Variants in PAX1 observed in about 807,000 individuals in gnomAD.
PAX1 encodes the protein paired box protein Pax-1.
Under a neutral mutation model 35.6 loss-of-function variants are expected in PAX1, and 18 were observed. The ratio of observed to expected loss-of-function variants is 0.50; its 90% CI spans 0.35 to 0.75. PAX1 has a LOEUF of 0.75. Among genes scored for constraint, PAX1 ranks in the 30% least tolerant of loss-of-function variants. PAX1 has a pLI of 0.01. For synonymous variants in PAX1, 397 were observed against 305.2 expected (o/e 1.30, Z -3.14); for missense variants, 760 against 661.5 (o/e 1.15, Z -1.63).
rs1470573165 is a variant in PAX1, at chr20:21,706,146, G to A, written c.286+148G>A. 4 of 815,794 alleles carry A rather than the reference G, an allele frequency of 4.9e-6. No homozygotes were observed. Among genetic ancestry groups the A allele is most frequent in the Admixed American group, 4.0e-5 (2 of 49,508 alleles). 50.5% of individuals were successfully genotyped at this position (815,794 alleles called of 1,614,324 possible). On this transcript the variant is annotated intron_variant, in intron 1 of 4. Coordinates refer to ENST00000613128, the MANE Select transcript of PAX1 (RefSeq NM_001257096.2). This position sits in a 1 kb window ranked among gnomAD's most constrained non-coding sequence, Gnocchi z 5.3. ...TTCTCCTCTGATCCCCAGCCTTCAG[G>A]GGGCAGTTGAGCAAGTCTGGGAAGG...
Position 21,705,846 on chromosome 20 carries a change from T to A in PAX1, c.134T>A (p.Leu45Gln). ...GCACAGCGCGTCTCCAGCCCGCGGC[T>A]GGGCCGCCGCGGCTCTCGGCTCTCG... is the stretch of plus-strand genomic sequence containing the variant. ...CRAQRVSSPR[L>Q]GRRGSRLSGA... Residue 45 changes from leucine (L) to glutamine (Q), a missense_variant, in exon 1 of 5, where the codon CTG becomes CAG. Coordinates refer to ENST00000613128, the MANE Select transcript of PAX1 (RefSeq NM_001257096.2). The A allele has an allele frequency of 7.3e-7, 1 of 1,371,256 alleles. No homozygotes were observed. 84.9% of individuals were successfully genotyped at this position (1,371,256 alleles called of 1,614,324 possible). A position where few individuals can be genotyped will look rare whatever the true frequency, so the allele number is the denominator to read the frequency against.
At position 21,706,514 on chromosome 20, in the gene PAX1, G is replaced by A; in HGVS notation, c.363G>A (p.Leu121=). Reference sequence around the variant, plus strand: ...GCCCCCTGCCCAACGCCATCCGCTTGCGCATTGTGGAGCTGGCGCAGCTGG... The same window carrying A: ...GCCCCCTGCCCAACGCCATCCGCTTACGCATTGTGGAGCTGGCGCAGCTGG... ...NGRPLPNAIR[L]RIVELAQLGI... Residue 121 remains leucine (L), a synonymous_variant, in exon 2 of 5, where the codon TTG becomes TTA. Transcript: ENST00000613128. The surrounding 1 kb of genome is among the most constrained non-coding windows in gnomAD (Gnocchi z 5.3). The A allele has an allele frequency of 6.2e-7, 1 of 1,612,422 alleles. No homozygotes were observed. The highest frequency in any genetic ancestry group is 1.1e-5 in the South Asian group (1 of 91,074).
chr20:21,714,562 G>A lies in PAX1; in HGVS notation c.1374G>A (p.Ter458=). The A allele has an allele frequency of 6.3e-7, 1 of 1,587,158 alleles. No homozygotes were observed. The highest frequency in any genetic ancestry group is 8.6e-7 in the Non-Finnish European group (1 of 1,167,918). Residue 458 remains the stop codon, a stop_retained_variant, in exon 5 of 5, where the codon TAG becomes TAA. Coordinates refer to ENST00000613128, the MANE Select transcript of PAX1 (RefSeq NM_001257096.2). The part of the protein sequence containing the change: ...HGLPIPASTS[*] ...TGCCCATCCCGGCCTCGACCTCCTA[G>A]GGGCAGCTCTCCCCGGACCCGAGCC...
In PAX1 at chr20:21,709,307, C is replaced by A; in HGVS notation, c.1145C>A (p.Pro382Gln). ...AACCAGCACGGCGTGTACAGCGCCC[C>A]GGGCGGCGGCTACCTCGCCCCGGGC... Reference protein sequence around the residue: ...ASNQHGVYSAPGGGYLAPGPP... With the variant: ...ASNQHGVYSAQGGGYLAPGPP... Residue 382 changes from proline (P) to glutamine (Q), a missense_variant, in exon 4 of 5, where the codon CCG becomes CAG. Physicochemically the swap from Pro to Gln is moderately conservative, Grantham distance 76 (BLOSUM62 -1). Coordinates refer to ENST00000613128, the MANE Select transcript of PAX1 (RefSeq NM_001257096.2). The A allele has an allele frequency of 6.2e-7, 1 of 1,601,598 alleles. No homozygotes were observed. Among genetic ancestry groups the A allele is most frequent in the South Asian group, 1.1e-5 (1 of 90,962 alleles).
chr20:21,708,832 C>A lies in PAX1; in HGVS notation c.1059+132C>A, dbSNP rs533071371. On this transcript the variant is annotated intron_variant, in intron 3 of 4. Coordinates refer to ENST00000613128, the MANE Select transcript of PAX1 (RefSeq NM_001257096.2). ...ATGGTTGTATCTGGCAGCCGGCTAG[C>A]AAGCGTCCTTTCTGTCCTTTCCTCA... The A allele has an allele frequency of 2.1e-5, 19 of 925,514 alleles. No homozygotes were observed. In the African/African-American group the frequency reaches 2.9e-4, roughly 14 times the overall value. 57.3% of individuals were successfully genotyped at this position (925,514 alleles called of 1,614,324 possible). A position where few individuals can be genotyped will look rare whatever the true frequency, so the allele number is the denominator to read the frequency against.
chr20:21,711,276 G>C (rs1019216163), intron 4 of PAX1, among the ~76,000 whole-genome samples: 3 of 152,212 alleles, frequency 2.0e-5, no homozygotes, highest in Non-Finnish European at 4.4e-5. Context: ...ACTTTGCCCT[G>C]GAGGCATTTT....
In PAX1 at chr20:21,713,967, C is replaced by T. The variant is rs905126143; in HGVS notation, c.1283-504C>T. On this transcript the variant is annotated intron_variant, in intron 4 of 4. Transcript: ENST00000613128. ...GTGGCTCATTTCCCGCAAGATTTCC[C>T]CCTGCCCACAGCGAGCTCCGAGCCG... 2.0e-5 allele frequency among the ~76,000 whole-genome samples: 3 copies of T among 152,362 alleles called. No homozygotes were observed. In the East Asian group the frequency reaches 5.8e-4, roughly 29 times the overall value.
chr20:21,708,282 CGA>C, intron 2 of PAX1: 1 of 571,744 alleles, frequency 1.7e-6, no homozygotes, highest in Non-Finnish European at 3.2e-6. Flanking sequence ...CCGCTTTGGC[CGA>C]GTCTGCCCAG....
Position 21,705,786 on chromosome 20 carries a change from G to A in PAX1, c.74G>A (p.Gly25Asp). 5 of 1,275,242 alleles carry A rather than the reference G, an allele frequency of 3.9e-6. No individual in the cohort carries two copies. The highest frequency in any genetic ancestry group is 4.9e-6 in the Non-Finnish European group (5 of 1,012,520). The allele number at this position is 1,275,242 out of a possible 1,614,324, so 79.0% of individuals were successfully genotyped here. Residue 25 changes from glycine (G) to aspartate (D), a missense_variant, in exon 1 of 5, where the codon GGC becomes GAC. This residue lies in a region of PAX1 where 222 missense variants were observed against 153.0 expected (regional missense o/e 1.45). Coordinates refer to ENST00000613128, the MANE Select transcript of PAX1 (RefSeq NM_001257096.2). ...GAGGGGGCAGCAGCGGCGGCGGCAG[G>A]CCCTGGAGCGGGCGGCAGCGCGCTC... ...SWEGAAAAAA[G>D]PGAGGSALRC... is the part of the protein sequence containing the mutation.
At chr20:21,711,939 C>T (rs894065273) in intron 4 of PAX1, among the ~76,000 whole-genome samples, 1 of 152,182 alleles carries the variant, frequency 6.6e-6, no homozygotes, top group African/African-American at 2.4e-5. Context: ...TCCCAGAGGA[C>T]AATTTACTAT....
At chr20:21,708,459 C>A in intron 2 of PAX1, 99 bp from the exon 3 acceptor site, 5 of 1,416,482 alleles carry the variant, frequency 3.5e-6, no homozygotes, top group Admixed American at 1.7e-5. Context: ...TTTTGTGGGA[C>A]CCCTGGCCGT....
At chr20:21,710,051 C>T (rs1281978163) in intron 4 of PAX1, among the ~76,000 whole-genome samples, 3 of 117,278 alleles carry the variant, frequency 2.6e-5, no homozygotes, top group Non-Finnish European at 4.9e-5. Context: ...TTACTCCAGG[C>T]TCAGGAGCTT....
chr20:21,708,260 A>T lies in PAX1; in HGVS notation c.917-298A>T, dbSNP rs1248303692. 5.5e-6 allele frequency: 3 copies of T among 548,646 alleles called. No homozygotes were observed. The East Asian group carries it at 9.6e-5, about 18-fold the overall frequency. The allele number at this position is 548,646 out of a possible 1,614,324, so 34.0% of individuals were successfully genotyped here. On this transcript the variant is annotated intron_variant, in intron 2 of 4. Coordinates refer to ENST00000613128, the MANE Select transcript of PAX1 (RefSeq NM_001257096.2). ...GGAAGTTTCTGGGAGCCGTGTCTGG[A>T]CAATGGAGCGGCCGCTTTGGCCGAG...
chr20:21,709,699 G>C (rs1985139479), intron 4 of PAX1, among the ~76,000 whole-genome samples: 1 of 152,150 alleles, frequency 6.6e-6, no homozygotes, highest in African/African-American at 2.4e-5. Context: ...TGGGAGAGGT[G>C]AAAGGAGGTC....
intron 2 of PAX1, 71 bp downstream of exon 2, chr20:21,707,138 G>C: frequency 6.4e-7 from 1 of 1,574,002 alleles, no homozygotes; most frequent in South Asian, 1.1e-5. Flanking sequence ...TGCAGGAGAG[G>C]ACTCACACTC....
Position 21,710,092 on chromosome 20 carries a change from C to T in PAX1, c.1282+648C>T, listed in dbSNP as rs1033358759. On this transcript the variant is annotated intron_variant, in intron 4 of 4. Coordinates refer to ENST00000613128, the MANE Select transcript of PAX1 (RefSeq NM_001257096.2). Reference sequence around the variant, plus strand: ...GGTTGTGGGTGGTGGTGGTGGTGGGCGGGTGGGGGGGTTCTCTCTTTCTGT... The same window carrying T: ...GGTTGTGGGTGGTGGTGGTGGTGGGTGGGTGGGGGGGTTCTCTCTTTCTGT... Among the ~76,000 whole-genome samples, 9 of 2,488 alleles carry T rather than the reference C, an allele frequency of 3.6e-3. No homozygotes were observed. The Non-Finnish European group carries it at 0.052, about 14-fold the overall frequency. 1.6% of individuals were successfully genotyped at this position (2,488 alleles called of 152,430 possible). A position where few individuals can be genotyped will look rare whatever the true frequency, so the allele number is the denominator to read the frequency against.
chr20:21,708,836 C>CGTCCTTTCT, intron 3 of PAX1, 136 bp downstream of exon 3: 1 of 908,936 alleles, frequency 1.1e-6, no homozygotes, highest in Non-Finnish European at 1.8e-6. Flanking sequence ...GGCTAGCAAG[C>CGTCCTTTCT]GTCCTTTCTG....
Position 21,708,269 on chromosome 20 carries a change from C to A in PAX1, c.917-289C>A, listed in dbSNP as rs967599467. On this transcript the variant is annotated intron_variant, in intron 2 of 4. Transcript: ENST00000613128. ...TGGGAGCCGTGTCTGGACAATGGAG[C>A]GGCCGCTTTGGCCGAGTCTGCCCAG... is the stretch of plus-strand genomic sequence containing the variant. The A allele has an allele frequency of 7.2e-6, 4 of 555,818 alleles. No homozygotes were observed. The Admixed American group carries it at 1.2e-4, about 17-fold the overall frequency. The allele number at this position is 555,818 out of a possible 1,614,324, so 34.4% of individuals were successfully genotyped here.
chr20:21,707,080 G>A lies in PAX1; in HGVS notation c.916+13G>A, dbSNP rs761176586. On this transcript the variant is annotated intron_variant, in intron 2 of 4. Coordinates refer to ENST00000613128, the MANE Select transcript of PAX1 (RefSeq NM_001257096.2). ...ATGGAGCAAACAGGTCAGTTGTGGC[G>A]GCCTCCGTAGCCTTCTATTAAGGGG... 8.7e-6 allele frequency: 14 copies of A among 1,612,834 alleles called. No individual in the cohort carries two copies. The South Asian group carries it at 9.9e-5, about 11-fold the overall frequency.
Sources: gnomAD v4.1 joint callset for allele counts (sites outside exome capture counted in the v4.1 genomes callset) on GRCh38, gnomAD v4.1.1 for gene constraint, gnomAD v4.1.1 regional missense constraint, Gnocchi (gnomAD v3.1) non-coding constraint, MANE v1.5 for transcripts, NCBI Gene and HGNC (gene_info 2026-07-23, HGNC 2026-07-21) for gene names.